Variants in TMEM265 observed in about 807,000 individuals in gnomAD.
TMEM265 encodes transmembrane protein 265.
TMEM265 carries 8 observed loss-of-function variants against 9.5 expected under a neutral mutation model. The observed-to-expected ratio is 0.84, with a 90% CI of 0.49 to 1.52. The LOEUF (loss-of-function observed/expected upper bound fraction) is 1.52, where lower values mean the gene tolerates loss of function less well. TMEM265 is among the 40% of genes most tolerant of loss of function. TMEM265 has a pLI of 0.00. For synonymous variants in TMEM265, 53 were observed against 56.9 expected, an observed-to-expected ratio of 0.93 and a Z score of 0.31; for missense variants, 152 against 146.2, an observed-to-expected ratio of 1.04 and a Z score of -0.21.
At chr16:30,741,717 A>G (rs1235875706) in intron 1 of TMEM265, 24 bp from the exon 2 acceptor site, 22 of 1,526,164 alleles carry the variant, frequency 1.4e-5, no homozygotes, top group East Asian at 2.5e-5. Flanking sequence ...TTGGGCTCAC[A>G]AGTACCTTGA....
chr16:30,742,324 A>G (rs977807274), intron 2 of TMEM265, among the ~76,000 whole-genome samples: 4 of 152,178 alleles, frequency 2.6e-5, no homozygotes, highest in Non-Finnish European at 5.9e-5. Flanking sequence ...CCTGTGGAGC[A>G]TGACTGGACC....
intron 1 of TMEM265, 149 bp downstream of exon 1, chr16:30,740,856 C>T (rs1273375131): frequency 3.9e-5 from 6 of 152,332 alleles, no homozygotes. Flanking sequence ...TTGCTCTCTA[C>T]TTGTCTCGCC....
chr16:30,743,225 A>G (rs1229829784), intron 2 of TMEM265, among the ~76,000 whole-genome samples: 2 of 152,118 alleles, frequency 1.3e-5, no homozygotes, highest in South Asian at 2.1e-4. Flanking sequence ...CGTCTCTACT[A>G]AAAATACAAA....
intron 2 of TMEM265, 41 bp downstream of exon 2, chr16:30,741,949 G>A (rs1457623560): frequency 6.6e-7 from 1 of 1,520,284 alleles, no homozygotes; most frequent in East Asian, 2.5e-5. Context: ...GTGGGTATAA[G>A]GCAATGGTTT....
chr16:30,741,428 T>C, intron 1 of TMEM265: 1 of 261,584 alleles, frequency 3.8e-6, no homozygotes, highest in Non-Finnish European at 7.3e-6. Context: ...GAGTTTGTAT[T>C]TTTCCTCCTT....
chr16:30,743,831 G>T lies in TMEM265; in HGVS notation c.215G>T (p.Gly72Val). 2.0e-6 allele frequency: 3 copies of T among 1,533,846 alleles called. No individual in the cohort carries two copies. Among genetic ancestry groups the T allele is most frequent in the Non-Finnish European group, 2.6e-6 (3 of 1,146,696 alleles). ...CGGTCCGAGGAGGCAGTGCGCTGGGGGGCCCGGGCCCGGAAACTCATCCTG... is the reference window on the plus strand; with the variant it reads ...CGGTCCGAGGAGGCAGTGCGCTGGGTGGCCCGGGCCCGGAAACTCATCCTG... ...AGRSEEAVRW[G>V]ARARKLILAS... Residue 72 changes from glycine (G) to valine (V), a missense_variant, in exon 3 of 3, where the codon GGG (glycine) becomes GTG (valine). Gly to Val is a moderately radical substitution (Grantham distance 109, BLOSUM62 -3). Coordinates refer to ENST00000615541, the MANE Select transcript of TMEM265 (RefSeq NM_001256829.2).
At chr16:30,743,751 G>A in intron 2 of TMEM265, 31 bp from the exon 3 acceptor site, 1 of 1,498,530 alleles carries the variant, frequency 6.7e-7, no homozygotes, top group Non-Finnish European at 8.9e-7. Flanking sequence ...AGAAGCAGGG[G>A]GAGAACCTAA....
intron 2 of TMEM265, among the ~76,000 whole-genome samples, chr16:30,743,394 A>G (rs574748378): frequency 6.6e-6 from 1 of 152,294 alleles, no homozygotes; most frequent in Non-Finnish European, 1.5e-5. Flanking sequence ...AAAGAAAAAA[A>G]AAAGATGGAA....
intron 2 of TMEM265, among the ~76,000 whole-genome samples, chr16:30,743,448 C>T (rs1278699023): frequency 6.6e-6 from 1 of 152,050 alleles, no homozygotes; most frequent in Non-Finnish European, 1.5e-5. Flanking sequence ...GGTGTTTGGG[C>T]ATGAGTGAAG....
intron 2 of TMEM265, among the ~76,000 whole-genome samples, chr16:30,742,706 T>A (rs1173923647): frequency 6.6e-6 from 1 of 151,874 alleles, no homozygotes; most frequent in Non-Finnish European, 1.5e-5. Context: ...GGTGGGCAGA[T>A]CACGAGGTTA....
At position 30,745,147 on chromosome 16, in the gene TMEM265, A is replaced by G. The variant is rs529210820; in HGVS notation, c.*1204A>G. The G allele has an allele frequency of 1.3e-5, 2 of 152,210 alleles. No homozygotes were observed. Among genetic ancestry groups the G allele is most frequent in the Non-Finnish European group, 2.9e-5 (2 of 68,048 alleles). The allele number at this position is 152,210 out of a possible 1,614,324, so 9.4% of individuals were successfully genotyped here. On this transcript the variant is annotated 3_prime_UTR_variant, in exon 3 of 3. Coordinates refer to ENST00000615541, the MANE Select transcript of TMEM265 (RefSeq NM_001256829.2). Reference sequence around the variant, plus strand: ...TGCATTTGAACTTTATATAAATGGAATCATGTATTCTTTTCATGTTAACAT... The same window carrying G: ...TGCATTTGAACTTTATATAAATGGAGTCATGTATTCTTTTCATGTTAACAT...
chr16:30,741,880 G>T lies in TMEM265; in HGVS notation c.137G>T (p.Gly46Val). The change falls in exon 2 of 3, where the codon GGA becomes GTA. Residue 46 changes from glycine to valine, a missense_variant. Gly to Val is a moderately radical substitution (Grantham distance 109). Transcript: ENST00000615541. ...ATTATCTGTGGCTGCTCTTGCCTGG[G>T]AGTCATGGCTCTGGTGTTTGCCATC... ...TSIICGCSCLGVMALVFAIKA... is the reference protein window; with the variant it reads ...TSIICGCSCLVVMALVFAIKA... The T allele has an allele frequency of 6.5e-7, 1 of 1,533,936 alleles. No individual in the cohort carries two copies.
Position 30,744,038 on chromosome 16 carries a change from C to G in TMEM265, c.*95C>G. On this transcript the variant is annotated 3_prime_UTR_variant, in exon 3 of 3. Transcript: ENST00000615541. ...TGTGACAGCAGTGGTTGGAAGGATC[C>G]TGGTTGGAAGGATGGGGACTCTCTC... 7.2e-7 allele frequency: 1 copy of G among 1,393,856 alleles called. No individual in the cohort carries two copies. The highest frequency in any genetic ancestry group is 9.5e-7 in the Non-Finnish European group (1 of 1,047,620). 86.3% of individuals were successfully genotyped at this position (1,393,856 alleles called of 1,614,324 possible).
chr16:30,741,754 A>G lies in TMEM265; in HGVS notation c.11A>G (p.Glu4Gly). 1.3e-6 allele frequency: 2 copies of G among 1,533,676 alleles called. No individual in the cohort carries two copies. Among genetic ancestry groups the G allele is most frequent in the Non-Finnish European group, 1.7e-6 (2 of 1,146,554 alleles). MED[E>G]EKAVEILGNT... ...TATCGCCCACAGGTGATGGAGGACGAGGAGAAGGCAGTGGAGATCTTGGGC... is the reference window on the plus strand; with the variant it reads ...TATCGCCCACAGGTGATGGAGGACGGGGAGAAGGCAGTGGAGATCTTGGGC... Residue 4 changes from glutamate (E) to glycine (G), a missense_variant, in exon 2 of 3, where the codon GAG (glutamate) becomes GGG (glycine). Physicochemically the swap from Glu to Gly is moderately conservative, Grantham distance 98. Coordinates refer to ENST00000615541, the MANE Select transcript of TMEM265 (RefSeq NM_001256829.2).
Position 30,743,874 on chromosome 16 carries a change from G to C in TMEM265, c.258G>C (p.Trp86Cys). 1 of 1,533,964 alleles carries C rather than the reference G, an allele frequency of 6.5e-7. No individual in the cohort carries two copies. Among genetic ancestry groups the C allele is most frequent in the Non-Finnish European group, 8.7e-7 (1 of 1,146,716 alleles). ...RKLILASFAV[W>C]LAVLILGPLL... is the part of the protein sequence containing the mutation. ...TCATCCTGGCCAGCTTTGCTGTCTG[G>C]CTTGCTGTCCTCATTCTGGGTCCCC... The change falls in exon 3 of 3, where the codon TGG (tryptophan) becomes TGC (cysteine). Residue 86 changes from tryptophan (W) to cysteine (C), a missense_variant. Physicochemically the swap from Trp to Cys is radical, Grantham distance 215. Coordinates refer to ENST00000615541, the MANE Select transcript of TMEM265 (RefSeq NM_001256829.2).
At chr16:30,742,036 T>G in intron 2 of TMEM265, 128 bp downstream of exon 2, 3 of 1,016,266 alleles carry the variant, frequency 3.0e-6, no homozygotes, top group Non-Finnish European at 4.2e-6. Flanking sequence ...GAAATAAGAA[T>G]AAGACAGGGT....
Position 30,743,847 on chromosome 16 carries a change from A to T in TMEM265, c.231A>T (p.Lys77Asn). 1 of 1,533,546 alleles carries T rather than the reference A, an allele frequency of 6.5e-7. No homozygotes were observed. The highest frequency in any genetic ancestry group is 8.7e-7 in the Non-Finnish European group (1 of 1,146,608). The allele number at this position is 1,533,546 out of a possible 1,614,324, so 95.0% of individuals were successfully genotyped here. A position where few individuals can be genotyped will look rare whatever the true frequency, so the allele number is the denominator to read the frequency against. ...TGCGCTGGGGGGCCCGGGCCCGGAA[A>T]CTCATCCTGGCCAGCTTTGCTGTCT... ...EAVRWGARARKLILASFAVWL... is the reference protein window; with the variant it reads ...EAVRWGARARNLILASFAVWL... Residue 77 changes from lysine (K) to asparagine (N), a missense_variant, in exon 3 of 3, where the codon AAA becomes AAT. Transcript: ENST00000615541.
intron 2 of TMEM265, 70 bp downstream of exon 2, chr16:30,741,978 A>C (rs2053229460): frequency 6.9e-7 from 1 of 1,441,588 alleles, no homozygotes; most frequent in Non-Finnish European, 9.3e-7. Context: ...TGATCTATCT[A>C]CATTGACCAG....
chr16:30,742,257 G>A (rs2053231160), intron 2 of TMEM265, among the ~76,000 whole-genome samples: 1 of 152,120 alleles, frequency 6.6e-6, no homozygotes, highest in African/African-American at 2.4e-5. Context: ...AATCTTAAAG[G>A]GTGAGTGAGT....
Sources: gnomAD v4.1 joint callset for allele counts (sites outside exome capture counted in the v4.1 genomes callset) on GRCh38, gnomAD v4.1.1 for gene constraint, MANE v1.5 for transcripts, NCBI Gene and HGNC (gene_info 2026-07-23, HGNC 2026-07-21) for gene names.